THAP4: variants seen among roughly 807,000 people sequenced by gnomAD.
THAP4 encodes the protein THAP domain containing 4, also known as peroxynitrite isomerase THAP4.
In THAP4, 18 loss-of-function variants were observed where a neutral mutation model predicts 48.1. That is an observed-to-expected ratio of 0.37 (90% CI 0.26 to 0.56). The LOEUF is 0.56. Ranked by LOEUF, THAP4 falls within the 20% of genes least tolerant of loss-of-function variation. THAP4 has a pLI of 0.78. For missense variants in THAP4, 656 were observed against 774.9 expected (o/e 0.85, Z 1.82); for synonymous variants, 345 against 324.9 (o/e 1.06, Z -0.66).
rs567450339 is a variant in THAP4, at chr2:241,616,205, T to G, written c.1241-9732A>C. On this transcript the variant is annotated intron_variant, in intron 2 of 5. Coordinates refer to ENST00000407315, the MANE Select transcript of THAP4 (RefSeq NM_015963.6). This position sits in a 1 kb window ranked among gnomAD's most constrained non-coding sequence, Gnocchi z 4.6. ...TACGTAGGAGGGACGTGGCCCGGGC[T>G]TTCTGCCTCGACGACTAGCCCAAGG... Among the ~76,000 whole-genome samples, 8 of 152,130 alleles carry G rather than the reference T, an allele frequency of 5.3e-5. No individual in the cohort carries two copies. Among genetic ancestry groups the G allele is most frequent in the Non-Finnish European group, 5.9e-5 (4 of 68,014 alleles).
rs1416539130 is a variant in THAP4, at chr2:241,610,198, A to G, written c.1241-3725T>C. On this transcript the variant is annotated intron_variant, in intron 2 of 5. Transcript: ENST00000407315. The surrounding 1 kb of genome is among the most constrained non-coding windows in gnomAD (Gnocchi z 4.2). Reference sequence around the variant, plus strand: ...CTTCACACTCCCCACGAGGCAGGACAGCCCCGGGCTAGGGTGAGGGGCACG... The same window carrying G: ...CTTCACACTCCCCACGAGGCAGGACGGCCCCGGGCTAGGGTGAGGGGCACG... Among the ~76,000 whole-genome samples the G allele has an allele frequency of 1.3e-5, 2 of 152,158 alleles. No homozygotes were observed. The highest frequency in any genetic ancestry group is 2.4e-5 in the African/African-American group (1 of 41,458).
intron 2 of THAP4, among the ~76,000 whole-genome samples, chr2:241,613,883 G>GGCTC (rs1287538095): frequency 6.6e-6 from 1 of 152,140 alleles, no homozygotes; most frequent in East Asian, 1.9e-4. Flanking sequence ...CGGGCATGAT[G>GGCTC]GCTCATACCT....
chr2:241,617,516 G>A, intron 2 of THAP4: 2 of 1,514,250 alleles, frequency 1.3e-6, no homozygotes, highest in Non-Finnish European at 1.8e-6. Flanking sequence ...TGGCTCTGCA[G>A]GAAGTGAATG....
intron 2 of THAP4, among the ~76,000 whole-genome samples, chr2:241,627,886 T>C (rs1191409842): frequency 6.6e-6 from 1 of 152,144 alleles, no homozygotes; most frequent in Non-Finnish European, 1.5e-5. Flanking sequence ...TGCCTGCACC[T>C]GTCCCTTGCT....
At chr2:241,606,794 A>T (rs1410041877) in intron 2 of THAP4, among the ~76,000 whole-genome samples, 1 of 152,192 alleles carries the variant, frequency 6.6e-6, no homozygotes, top group Non-Finnish European at 1.5e-5. Flanking sequence ...GGGAAGGGAT[A>T]CTGAGGGACC....
upstream of THAP4, chr2:241,637,312 C>T (rs1454631673): frequency 9.4e-5 from 111 of 1,182,990 alleles, no homozygotes; most frequent in Non-Finnish European, 1.2e-4. Context: ...GGAGTCGCCC[C>T]GGCGGGGCAA....
chr2:241,631,139 T>C (rs888475958), intron 2 of THAP4, among the ~76,000 whole-genome samples: 18 of 152,124 alleles, frequency 1.2e-4, no homozygotes, highest in Admixed American at 9.8e-4. Flanking sequence ...GATCTGAAAA[T>C]CTAGGTCAGC....
intron 2 of THAP4, among the ~76,000 whole-genome samples, chr2:241,622,095 C>T (rs951217959): frequency 1.3e-5 from 2 of 152,188 alleles, no homozygotes; most frequent in Non-Finnish European, 2.9e-5. Flanking sequence ...TTTACGCGGG[C>T]GCGGTGGCTC....
chr2:241,619,432 C>A (rs944221920), intron 2 of THAP4, among the ~76,000 whole-genome samples: 1 of 152,242 alleles, frequency 6.6e-6, no homozygotes, highest in South Asian at 2.1e-4. Context: ...CCGCGTACCA[C>A]GCACCTAGGC....
chr2:241,602,443 C>T (rs2067127112), intron 4 of THAP4, among the ~76,000 whole-genome samples: 1 of 151,974 alleles, frequency 6.6e-6, no homozygotes, highest in African/African-American at 2.4e-5. Flanking sequence ...TGGCTCACCG[C>T]AACCTCTGCC....
At chr2:241,589,254 C>CA (rs1302868350) in intron 5 of THAP4, among the ~76,000 whole-genome samples, 45 of 149,108 alleles carry the variant, frequency 3.0e-4, no homozygotes, top group African/African-American at 8.9e-4. Flanking sequence ...CCACCCCCAC[C>CA]AAAAAAAACA....
In THAP4 at chr2:241,616,469, C is replaced by G. The variant is rs573821897; in HGVS notation, c.1241-9996G>C. Among the ~76,000 whole-genome samples the G allele has an allele frequency of 6.6e-6, 1 of 152,226 alleles. No individual in the cohort carries two copies. The highest frequency in any genetic ancestry group is 2.4e-5 in the African/African-American group (1 of 41,554). On this transcript the variant is annotated intron_variant, in intron 2 of 5. Coordinates refer to ENST00000407315, the MANE Select transcript of THAP4 (RefSeq NM_015963.6). This position sits in a 1 kb window ranked among gnomAD's most constrained non-coding sequence, Gnocchi z 4.6. ...AAGAACAGGTAGGGAGAGGCTGCCTCAAAAATTCTGGCTAAAAGTGAGCTT... is the reference window on the plus strand; with the variant it reads ...AAGAACAGGTAGGGAGAGGCTGCCTGAAAAATTCTGGCTAAAAGTGAGCTT...
rs2067184057 is a variant in THAP4, at chr2:241,606,336, C to T, written c.1378G>A (p.Gly460Ser). The T allele has an allele frequency of 6.4e-7, 1 of 1,561,586 alleles. No individual in the cohort carries two copies. Among genetic ancestry groups the T allele is most frequent in the Admixed American group, 1.9e-5 (1 of 52,006 alleles). The stretch of plus-strand genomic sequence containing the variant: ...TACGAGAAGTTCAGCATGGGCTGGC[C>T]CACGTGGGAGATGTGAACCTCCTCC... ...YLEEVHISHV[G>S]QPMLNFSFNS... Residue 460 changes from glycine (G) to serine (S), a missense_variant, in exon 3 of 6, where the codon GGC becomes AGC. By Grantham distance (56) the Gly-to-Ser change is moderately conservative (BLOSUM62 0). Around this residue, in one of 4 missense-constraint regions of THAP4, gnomAD observed 176 missense variants for 256.7 expected, o/e 0.69. Coordinates refer to ENST00000407315, the MANE Select transcript of THAP4 (RefSeq NM_015963.6).
intron 2 of THAP4, chr2:241,617,544 A>G (rs2067363114): frequency 7.7e-7 from 1 of 1,306,176 alleles, no homozygotes; most frequent in Non-Finnish European, 1.1e-6. Context: ...TAAATGGTGC[A>G]TTCTGGGAAT....
rs2125083805 is a variant in THAP4 at position 241,610,858 on chromosome 2, A to G, written c.1241-4385T>C. Among the ~76,000 whole-genome samples the G allele has an allele frequency of 6.6e-6, 1 of 152,030 alleles. No homozygotes were observed. Among genetic ancestry groups the G allele is most frequent in the South Asian group, 2.1e-4 (1 of 4,790 alleles). ...CAGAGACAGAGAGACAGGGCCAGAG[A>G]GACACGGGGATGGGGCCAGAGACGG... On this transcript the variant is annotated intron_variant, in intron 2 of 5. Transcript: ENST00000407315. This position sits in a 1 kb window ranked among gnomAD's most constrained non-coding sequence, Gnocchi z 4.2.
At chr2:241,590,837 C>T (rs535714648) in intron 5 of THAP4, among the ~76,000 whole-genome samples, 2 of 146,146 alleles carry the variant, frequency 1.4e-5, no homozygotes, top group Non-Finnish European at 3.0e-5. Flanking sequence ...CAGAGCTGCC[C>T]GGCTGACGAT....
At chr2:241,614,485 T>C (rs1438653847) in intron 2 of THAP4, among the ~76,000 whole-genome samples, 3 of 152,146 alleles carry the variant, frequency 2.0e-5, no homozygotes, top group Admixed American at 6.5e-5. Flanking sequence ...CTAAATGAAA[T>C]TGCAATTCAC....
Position 241,618,007 on chromosome 2 carries a change from G to A in THAP4, c.1241-11534C>T, listed in dbSNP as rs1292503886. On this transcript the variant is annotated intron_variant, in intron 2 of 5. Transcript: ENST00000407315. The stretch of plus-strand genomic sequence containing the variant: ...CCCACCCTCACATCTCTTTGTGTTA[G>A]TGACACGTTGTTTCCTGCCAAGGCA... Among the ~76,000 whole-genome samples the A allele has an allele frequency of 2.0e-5, 3 of 152,220 alleles. No individual in the cohort carries two copies. In the East Asian group the frequency reaches 5.8e-4, roughly 29 times the overall value.
At chr2:241,619,425 C>T (rs532367893) in intron 2 of THAP4, among the ~76,000 whole-genome samples, 49 of 152,348 alleles carry the variant, frequency 3.2e-4, no homozygotes, top group South Asian at 8.3e-4. Flanking sequence ...GCACTTACCG[C>T]GTACCACGCA....
Sources: gnomAD v4.1 joint callset for allele counts (sites outside exome capture counted in the v4.1 genomes callset) on GRCh38, gnomAD v4.1.1 for gene constraint, gnomAD v4.1.1 regional missense constraint, Gnocchi (gnomAD v3.1) non-coding constraint, MANE v1.5 for transcripts, NCBI Gene and HGNC (gene_info 2026-07-23, HGNC 2026-07-21) for gene names.